Variants in GCNT2 observed in about 807,000 individuals in gnomAD.
GCNT2 encodes glucosaminyl (N-acetyl) transferase 2 (I blood group).
GCNT2 carries 34 observed loss-of-function variants against 34.2 expected under a neutral mutation model. The ratio of observed to expected loss-of-function variants is 1.00; its 90% confidence interval spans 0.76 to 1.32. GCNT2 has a LOEUF of 1.32. Among genes scored for constraint, GCNT2 ranks in the 40% most tolerant of loss-of-function variants. The pLI is 0.00. For missense variants in GCNT2, 584 were observed against 489.4 expected (o/e 1.19, Z -1.82); for synonymous variants, 212 against 188.0 (o/e 1.13, Z -1.04).
At chr6:10,524,965 G>C (rs914197351) in intron 1 of GCNT2, among the ~76,000 whole-genome samples, 3 of 152,052 alleles carry the variant, frequency 2.0e-5, no homozygotes, top group Middle Eastern at 3.2e-3. Context: ...CACTGAGAAA[G>C]TTTCCATCGG....
chr6:10,550,628 T>C (rs891611300), intron 3 of GCNT2, among the ~76,000 whole-genome samples: 6 of 152,176 alleles, frequency 3.9e-5, no homozygotes, highest in Admixed American at 6.6e-5. Flanking sequence ...GTAGATGGCA[T>C]GCACCACTGT....
At chr6:10,595,350 T>G (rs759867621) in intron 3 of GCNT2, among the ~76,000 whole-genome samples, 3 of 152,136 alleles carry the variant, frequency 2.0e-5, no homozygotes, top group Non-Finnish European at 4.4e-5. Flanking sequence ...CGATCTTGGC[T>G]CACTGCAAGC....
intron 3 of GCNT2, among the ~76,000 whole-genome samples, chr6:10,544,595 C>G (rs1266792112): frequency 6.6e-6 from 1 of 150,728 alleles, no homozygotes; most frequent in Non-Finnish European, 1.5e-5. Context: ...CAGAGCAAGA[C>G]TCCATCTCAA....
chr6:10,569,273 A>ACACACACACACACACACACC (rs1561806920), intron 3 of GCNT2, among the ~76,000 whole-genome samples: 10 of 139,698 alleles, frequency 7.2e-5, no homozygotes, highest in African/African-American at 1.1e-4. Flanking sequence ...ACACACACAC[A>ACACACACACACACACACACC]CCCCCTAGGT....
intron 3 of GCNT2, among the ~76,000 whole-genome samples, chr6:10,604,516 C>T (rs1273449030): frequency 6.6e-6 from 1 of 152,110 alleles, no homozygotes; most frequent in East Asian, 1.9e-4. Flanking sequence ...AAACTCTCTC[C>T]TTACTGAGAC....
intron 3 of GCNT2, among the ~76,000 whole-genome samples, chr6:10,537,498 T>C (rs182245353): frequency 0.016 from 2,361 of 151,924 alleles, 27 homozygotes; most frequent in South Asian, 0.03. Flanking sequence ...GTCAGAAGTT[T>C]GAGACCATCC....
chr6:10,596,066 C>G lies in GCNT2; in HGVS notation c.926-25285C>G, dbSNP rs144142347. Among the ~76,000 whole-genome samples the G allele has an allele frequency of 1.7e-3, 256 of 152,330 alleles. 2 individuals carry two copies. The highest frequency in any genetic ancestry group is 6.1e-3 in the African/African-American group (254 of 41,574). ...AGGCTTTCTCCTCATCCCATAATAA[C>G]AGTTCACTGAAAAGTAAAAATATTT... On this transcript the variant is annotated intron_variant, in intron 3 of 4. Transcript: ENST00000495262.
chr6:10,599,423 G>C (rs1164201585), intron 3 of GCNT2, among the ~76,000 whole-genome samples: 1 of 152,184 alleles, frequency 6.6e-6, no homozygotes, highest in African/African-American at 2.4e-5. Context: ...CAGAATGAGG[G>C]AGCACCTGAA....
Position 10,563,756 on chromosome 6 carries a change from GAAAAAA to G in GCNT2, c.925+33937_925+33942del, listed in dbSNP as rs55761102. Among the ~76,000 whole-genome samples the G allele has an allele frequency of 3.0e-3, 168 of 55,776 alleles. 1 individual carries two copies. The highest frequency in any genetic ancestry group is 4.9e-3 in the Admixed American group (17 of 3,454). The allele number at this position is 55,776 out of a possible 152,430, so 36.6% of individuals were successfully genotyped here. A position where few individuals can be genotyped will look rare whatever the true frequency, so the allele number is the denominator to read the frequency against. On this transcript the variant is annotated intron_variant, in intron 3 of 4. Transcript: ENST00000495262. ...GACTCCATCTCAAAAAAAGAAAAAAGAAAAAAAAAAAAAAAAAAAAAATATATATAT... is the reference window on the plus strand; with the variant it reads ...GACTCCATCTCAAAAAAAGAAAAAAGAAAAAAAAAAAAAAAATATATATAT...
rs534113363 is a variant in GCNT2 at position 10,592,099 on chromosome 6, G to A, written c.926-29252G>A. Among the ~76,000 whole-genome samples the A allele has an allele frequency of 2.0e-5, 3 of 152,210 alleles. 1 individual carries two copies. Among genetic ancestry groups the A allele is most frequent in the South Asian group, 2.1e-4 (1 of 4,826 alleles). On this transcript the variant is annotated intron_variant, in intron 3 of 4. Coordinates refer to ENST00000495262, the MANE Select transcript of GCNT2 (RefSeq NM_145649.5). The stretch of plus-strand genomic sequence containing the variant: ...GGGGTAGAATCATGTCTTAACAAAC[G>A]TCACCAGGACGTTCGAGTCTAAAAT...
rs199763588 is a variant in GCNT2 at position 10,618,083 on chromosome 6, G to A, written c.926-3268G>A. 7.2e-5 allele frequency among the ~76,000 whole-genome samples: 11 copies of A among 152,098 alleles called. No individual in the cohort carries two copies. The South Asian group carries it at 1.2e-3, about 17-fold the overall frequency. On this transcript the variant is annotated intron_variant, in intron 3 of 4. Coordinates refer to ENST00000495262, the MANE Select transcript of GCNT2 (RefSeq NM_145649.5). Reference sequence around the variant, plus strand: ...TTCTGCATTTCTAACAAGCTTCCAGGTGCTGCTGATGCCCCTACTCTTAAG... The same window carrying A: ...TTCTGCATTTCTAACAAGCTTCCAGATGCTGCTGATGCCCCTACTCTTAAG...
intron 3 of GCNT2, among the ~76,000 whole-genome samples, chr6:10,569,676 A>G (rs906942667): frequency 3.3e-5 from 5 of 152,172 alleles, no homozygotes; most frequent in African/African-American, 4.8e-5. Context: ...TCCAACCACC[A>G]TCATAGTGGA....
At chr6:10,563,775 A>AT (rs1313695628) in intron 3 of GCNT2, among the ~76,000 whole-genome samples, 402 of 30,258 alleles carry the variant, frequency 0.013, 1 homozygote, top group Admixed American at 0.03. Context: ...AAAAAAAAAA[A>AT]AAATATATAT....
At chr6:10,589,046 GGT>G (rs766765754) in intron 3 of GCNT2, among the ~76,000 whole-genome samples, 9 of 140,656 alleles carry the variant, frequency 6.4e-5, no homozygotes, top group Admixed American at 2.1e-4. Context: ...GTATGTGTAT[GGT>G]GTGTGTGTGG....
In GCNT2 at chr6:10,529,240, T is replaced by C. The variant is rs1256730641; in HGVS notation, c.329T>C (p.Phe110Ser). Residue 110 changes from phenylalanine (F) to serine (S), a missense_variant, in exon 3 of 5, where the codon TTT (phenylalanine) becomes TCT (serine). By Grantham distance (155) the Phe-to-Ser change is radical. Coordinates refer to ENST00000495262, the MANE Select transcript of GCNT2 (RefSeq NM_145649.5). ...ACCATCCACAAAGACTTCGGCACTT[T>C]TGAGAGGCTCTTCAGGGCGATTTAT... ...TVTIHKDFGTFERLFRAIYMP... is the reference protein window; with the variant it reads ...TVTIHKDFGTSERLFRAIYMP... 8 of 1,614,090 alleles carry C rather than the reference T, an allele frequency of 5.0e-6. No individual in the cohort carries two copies. The highest frequency in any genetic ancestry group is 2.2e-5 in the East Asian group (1 of 44,902).
At chr6:10,525,082 A>G (rs1761122764) in intron 1 of GCNT2, among the ~76,000 whole-genome samples, 2 of 152,050 alleles carry the variant, frequency 1.3e-5, no homozygotes, top group African/African-American at 4.8e-5. Flanking sequence ...TAAGGTGAGG[A>G]TGATGGGATT....
At chr6:10,581,656 T>A in intron 3 of GCNT2, 1 of 673,128 alleles carries the variant, frequency 1.5e-6, no homozygotes, top group Non-Finnish European at 1.8e-6. Context: ...TACATCATGT[T>A]GAAAGATTTC....
chr6:10,536,069 G>A (rs996199205), intron 3 of GCNT2, among the ~76,000 whole-genome samples: 4 of 152,144 alleles, frequency 2.6e-5, no homozygotes, highest in African/African-American at 4.8e-5. Context: ...GCAATGCTGA[G>A]GTTCCAGGTG....
Position 10,627,946 on chromosome 6 carries a change from T to G in GCNT2, c.*1339T>G, listed in dbSNP as rs1766339134. The G allele has an allele frequency of 6.6e-6, 1 of 152,634 alleles. No homozygotes were observed. The highest frequency in any genetic ancestry group is 2.1e-4 in the South Asian group (1 of 4,834). 9.5% of individuals were successfully genotyped at this position (152,634 alleles called of 1,614,324 possible). ...CTGGTATTCCTTTATGTATCTAATT[T>G]CATTCAAACCTCACAACAGTCTTGT... is the stretch of plus-strand genomic sequence containing the variant. On this transcript the variant is annotated 3_prime_UTR_variant, in exon 5 of 5. Transcript: ENST00000495262.
Sources: allele counts gnomAD v4.1 joint callset (sites outside exome capture counted in the v4.1 genomes callset), GRCh38; gene constraint gnomAD v4.1.1; transcripts MANE v1.5; gene names NCBI Gene and HGNC (gene_info 2026-07-23, HGNC 2026-07-21).